ADARB2: variants seen among roughly 807,000 people sequenced by gnomAD.
ADARB2 encodes inactive double-stranded RNA-specific editase B2.
ADARB2 carries 25 observed loss-of-function variants against 62.2 expected under a neutral mutation model. The observed-to-expected ratio is 0.40, with a 90% CI of 0.29 to 0.56. The LOEUF is 0.56. Among genes scored for constraint, ADARB2 ranks in the 20% least tolerant of loss-of-function variants. The pLI is 0.43. For missense variants in ADARB2, 1,071 were observed against 1,077.4 expected, an observed-to-expected ratio of 0.99 and a Z score of 0.08; for synonymous variants, 572 against 500.8, an observed-to-expected ratio of 1.14 and a Z score of -1.90.
intron 2 of ADARB2, among the ~76,000 whole-genome samples, chr10:1,378,592 A>G (rs1429368730): frequency 1.3e-5 from 2 of 152,030 alleles, no homozygotes; most frequent in Non-Finnish European, 2.9e-5. Context: ...TTAGGATGGA[A>G]CTGCAGGTGA....
At chr10:1,353,057 C>T (rs914302135) in intron 3 of ADARB2, among the ~76,000 whole-genome samples, 3 of 152,166 alleles carry the variant, frequency 2.0e-5, no homozygotes, top group Non-Finnish European at 4.4e-5. Flanking sequence ...AGGAAATCAC[C>T]TCTCAGTGTT....
At chr10:1,561,372 C>T (rs543566783) in intron 1 of ADARB2, among the ~76,000 whole-genome samples, 6 of 152,318 alleles carry the variant, frequency 3.9e-5, no homozygotes, top group East Asian at 1.9e-4. Context: ...CAAACTTGCT[C>T]ATTTCCTTGA....
At position 1,697,406 on chromosome 10, in the gene ADARB2, C is replaced by T. The variant is rs540503162; in HGVS notation, c.100+39645G>A. On this transcript the variant is annotated intron_variant, in intron 1 of 9. Transcript: ENST00000381312. ...GTGTGAACATTGACTGAACACTGAG[C>T]GAGACAGACACAGAGAACACGTGGC... 1.2e-4 allele frequency among the ~76,000 whole-genome samples: 18 copies of T among 152,222 alleles called. No individual in the cohort carries two copies. In the East Asian group the frequency reaches 2.7e-3, roughly 23 times the overall value.
intron 1 of ADARB2, among the ~76,000 whole-genome samples, chr10:1,693,111 C>T (rs1230814792): frequency 6.6e-6 from 1 of 152,230 alleles, no homozygotes; most frequent in Admixed American, 6.5e-5. Flanking sequence ...CCAACTCCCT[C>T]AGGTGTTTCT....
intron 1 of ADARB2, among the ~76,000 whole-genome samples, chr10:1,605,572 T>G (rs1235431467): frequency 6.6e-6 from 1 of 152,246 alleles, no homozygotes; most frequent in East Asian, 1.9e-4. Flanking sequence ...ATATGTAGTT[T>G]CTATTGGGAT....
intron 3 of ADARB2, among the ~76,000 whole-genome samples, chr10:1,274,673 CACAA>C (rs1244401862): frequency 6.6e-6 from 1 of 152,190 alleles, no homozygotes; most frequent in Non-Finnish European, 1.5e-5. Flanking sequence ...TGGGAAGACA[CACAA>C]ACAGTGACAA....
In ADARB2 at chr10:1,426,780, G is replaced by A. The variant is rs1259090018; in HGVS notation, c.101-47620C>T. On this transcript the variant is annotated intron_variant, in intron 1 of 9. Transcript: ENST00000381312. The surrounding 1 kb of genome is among the most constrained non-coding windows in gnomAD (Gnocchi z 4.1). ...ACTTTGCCCCTGGTTGACTCCTGAC[G>A]GCGCTTACTCCACCACTGCATCCCT... 2.6e-5 allele frequency among the ~76,000 whole-genome samples: 4 copies of A among 152,190 alleles called. No individual in the cohort carries two copies. The highest frequency in any genetic ancestry group is 2.1e-4 in the South Asian group (1 of 4,832).
intron 5 of ADARB2, among the ~76,000 whole-genome samples, chr10:1,241,894 G>A (rs2131776848): frequency 1.3e-5 from 2 of 152,342 alleles, no homozygotes; most frequent in South Asian, 4.1e-4. Context: ...GTGTTTTCTG[G>A]AGGGAAACGT....
chr10:1,629,133 C>T (rs144629184), intron 1 of ADARB2, among the ~76,000 whole-genome samples: 3 of 152,284 alleles, frequency 2.0e-5, no homozygotes, highest in East Asian at 1.9e-4. Context: ...GTAACATGTT[C>T]CTTGGAAGTT....
chr10:1,320,137 C>T (rs1390588559), intron 3 of ADARB2, among the ~76,000 whole-genome samples: 1 of 152,190 alleles, frequency 6.6e-6, no homozygotes, highest in Non-Finnish European at 1.5e-5. Flanking sequence ...GGCCTCCAGC[C>T]GCCCAACCAC....
At chr10:1,496,979 T>C (rs993359357) in intron 1 of ADARB2, among the ~76,000 whole-genome samples, 1 of 152,176 alleles carries the variant, frequency 6.6e-6, no homozygotes, top group Non-Finnish European at 1.5e-5. Flanking sequence ...CATGACCCAG[T>C]GGTAAGGACC....
At chr10:1,269,857 C>G (rs544453687) in intron 4 of ADARB2, among the ~76,000 whole-genome samples, 26 of 152,170 alleles carry the variant, frequency 1.7e-4, no homozygotes, top group African/African-American at 6.0e-4. Flanking sequence ...ACTCTTAGCC[C>G]TCAATTTAGA....
intron 1 of ADARB2, among the ~76,000 whole-genome samples, chr10:1,595,219 A>G (rs557111956): frequency 3.2e-4 from 49 of 152,234 alleles, no homozygotes; most frequent in Non-Finnish European, 6.6e-4. Context: ...GCACAGAAAA[A>G]GATAAAAACT....
chr10:1,351,872 G>A (rs541830448), intron 3 of ADARB2, among the ~76,000 whole-genome samples: 25 of 147,546 alleles, frequency 1.7e-4, no homozygotes, highest in African/African-American at 5.5e-4. Context: ...TTCAGGATCT[G>A]TGCCTTATCA....
intron 1 of ADARB2, among the ~76,000 whole-genome samples, chr10:1,728,426 G>C (rs995465532): frequency 5.3e-5 from 8 of 152,136 alleles, no homozygotes; most frequent in Non-Finnish European, 1.0e-4. Flanking sequence ...TGCTGTTCTA[G>C]AGCTGGGGAG....
intron 1 of ADARB2, among the ~76,000 whole-genome samples, chr10:1,640,803 C>T (rs1026844078): frequency 2.6e-5 from 4 of 152,236 alleles, no homozygotes; most frequent in South Asian, 2.1e-4. Context: ...AGAAGATAGA[C>T]GTCTCAAAAG....
chr10:1,404,269 C>T (rs1171493558), intron 1 of ADARB2, among the ~76,000 whole-genome samples: 2 of 152,210 alleles, frequency 1.3e-5, no homozygotes, highest in Non-Finnish European at 2.9e-5. Context: ...CAGGGAAGGG[C>T]ATGGAACGGC....
intron 1 of ADARB2, among the ~76,000 whole-genome samples, chr10:1,646,623 G>C (rs1343407123): frequency 6.6e-6 from 1 of 152,258 alleles, no homozygotes; most frequent in African/African-American, 2.4e-5. Flanking sequence ...TTTCCATCAA[G>C]ATGAGAGCAG....
chr10:1,657,252 G>A (rs1302304378), intron 1 of ADARB2, among the ~76,000 whole-genome samples: 1 of 152,158 alleles, frequency 6.6e-6, no homozygotes, highest in African/African-American at 2.4e-5. Context: ...AAGCTCAATG[G>A]CACAGCTCAA....
Sources: gnomAD v4.1 joint callset for allele counts (sites outside exome capture counted in the v4.1 genomes callset) on GRCh38, gnomAD v4.1.1 for gene constraint, Gnocchi (gnomAD v3.1) non-coding constraint, MANE v1.5 for transcripts, NCBI Gene and HGNC (gene_info 2026-07-23, HGNC 2026-07-21) for gene names.